The following AKAP7 variants were observed in gnomAD, a reference collection of about 807,000 sequenced individuals.
The protein encoded by AKAP7 is A-kinase anchoring protein 7.
Under a neutral mutation model 39.5 loss-of-function variants are expected in AKAP7, and 39 were observed. The ratio of observed to expected loss-of-function variants is 0.99; its 90% CI spans 0.76 to 1.29. The LOEUF (loss-of-function observed/expected upper bound fraction) is 1.29, where lower values mean the gene tolerates loss of function less well. Among genes scored for constraint, AKAP7 ranks in the 50% most tolerant of loss-of-function variants. AKAP7 has a pLI of 0.00. For missense variants in AKAP7, 414 were observed against 407.7 expected (o/e 1.02, Z -0.13); for synonymous variants, 140 against 139.1 (o/e 1.01, Z -0.05).
At chr6:131,206,715 C>T (rs751264334) in intron 6 of AKAP7, among the ~76,000 whole-genome samples, 2 of 152,158 alleles carry the variant, frequency 1.3e-5, no homozygotes, top group Non-Finnish European at 2.9e-5. Context: ...TTTCTTCACT[C>T]ACTACCATTA....
chr6:131,256,946 C>CT lies in AKAP7; in HGVS notation c.851-24584_851-24583insT, dbSNP rs1294618016. ...AAAGATAAGCAGTGATGATGACAGC[C>CT]CAACTCAAAAGAGTTTCAAAATTCT... is the stretch of plus-strand genomic sequence containing the variant. On this transcript the variant is annotated intron_variant, in intron 7 of 7. Transcript: ENST00000431975. 0.014 allele frequency among the ~76,000 whole-genome samples: 2,177 copies of CT among 152,010 alleles called. 145 individuals carry two copies. In the East Asian group the frequency reaches 0.18, roughly 12 times the overall value.
chr6:131,275,084 T>TTTACATAC (rs1232549450), intron 7 of AKAP7, among the ~76,000 whole-genome samples: 1 of 152,234 alleles, frequency 6.6e-6, no homozygotes, highest in Non-Finnish European at 1.5e-5. Flanking sequence ...CTTATTCATT[T>TTTACATAC]TTACATACTT....
At chr6:131,243,471 C>T (rs1320341223) in intron 7 of AKAP7, among the ~76,000 whole-genome samples, 2 of 152,126 alleles carry the variant, frequency 1.3e-5, no homozygotes, top group African/African-American at 4.8e-5. Flanking sequence ...TTGAGACCTG[C>T]CAAGAGCAGC....
At chr6:131,221,802 C>T (rs1809720521) in intron 7 of AKAP7, among the ~76,000 whole-genome samples, 1 of 152,022 alleles carries the variant, frequency 6.6e-6, no homozygotes, top group Non-Finnish European at 1.5e-5. Context: ...TTAACTACTG[C>T]TCAGAAAAAA....
rs1157844657 is a variant in AKAP7, at chr6:131,281,568, G to A, written c.889G>A (p.Val297Ile). The change falls in exon 8 of 8, where the codon GTA (valine) becomes ATA (isoleucine). Residue 297 changes from valine to isoleucine, a missense_variant. Val to Ile is a conservative substitution (Grantham distance 29). Coordinates refer to ENST00000431975, the MANE Select transcript of AKAP7 (RefSeq NM_016377.4). The surrounding 1 kb of genome is among the most constrained non-coding windows in gnomAD (Gnocchi z 4.0). ...NGGEPDDAEL[V>I]RLSKRLVENA... ...AGGGGAGCCCGATGACGCTGAACTA[G>A]TAAGGCTCAGTAAGAGGCTGGTGGA... is the stretch of plus-strand genomic sequence containing the variant. 6.2e-7 allele frequency: 1 copy of A among 1,613,102 alleles called. No individual in the cohort carries two copies. Among genetic ancestry groups the A allele is most frequent in the African/African-American group, 1.3e-5 (1 of 75,020 alleles).
intron 1 of AKAP7, among the ~76,000 whole-genome samples, chr6:131,139,045 A>C (rs546235323): frequency 6.6e-6 from 1 of 152,234 alleles, no homozygotes; most frequent in Non-Finnish European, 1.5e-5. Context: ...AAATGCTTTA[A>C]GAGTTGGTTA....
At chr6:131,271,714 G>A (rs1028322382) in intron 7 of AKAP7, among the ~76,000 whole-genome samples, 12 of 152,062 alleles carry the variant, frequency 7.9e-5, no homozygotes, top group African/African-American at 2.9e-4. Flanking sequence ...AATTACAAAT[G>A]GGAAAAGTAC....
At chr6:131,131,335 C>A (rs1478331510), upstream of AKAP7, among the ~76,000 whole-genome samples, 2 of 152,136 alleles carry the variant, frequency 1.3e-5, no homozygotes, top group African/African-American at 2.4e-5. Context: ...AACACCTTTG[C>A]ATGCAGGAGC....
intron 1 of AKAP7, among the ~76,000 whole-genome samples, chr6:131,144,416 A>T (rs887261556): frequency 6.6e-6 from 1 of 152,220 alleles, no homozygotes; most frequent in Non-Finnish European, 1.5e-5. Context: ...GGACTTCTTA[A>T]ACATCTTGAG....
At chr6:131,195,842 GCTT>G (rs1585062460) in intron 5 of AKAP7, among the ~76,000 whole-genome samples, 1 of 152,132 alleles carries the variant, frequency 6.6e-6, no homozygotes, top group East Asian at 1.9e-4. Context: ...TATGTTATTT[GCTT>G]CTTTTTACTT....
intron 7 of AKAP7, among the ~76,000 whole-genome samples, chr6:131,244,430 C>T (rs2128314980): frequency 6.6e-6 from 1 of 152,324 alleles, no homozygotes; most frequent in South Asian, 2.1e-4. Flanking sequence ...GCAGGGTATG[C>T]TGTAAATGTG....
chr6:131,180,359 C>A (rs1206535433), intron 5 of AKAP7, among the ~76,000 whole-genome samples: 1 of 152,158 alleles, frequency 6.6e-6, no homozygotes, highest in Non-Finnish European at 1.5e-5. Context: ...TTATTACCTC[C>A]TTTCCCCCAA....
chr6:131,255,613 C>T (rs1318690036), intron 7 of AKAP7, among the ~76,000 whole-genome samples: 1 of 152,168 alleles, frequency 6.6e-6, no homozygotes, highest in Non-Finnish European at 1.5e-5. Context: ...GCTTGGCATG[C>T]AGTTCTTACT....
chr6:131,253,691 T>C (rs1812628602), intron 7 of AKAP7, among the ~76,000 whole-genome samples: 1 of 143,144 alleles, frequency 7.0e-6, no homozygotes, highest in South Asian at 2.2e-4. Flanking sequence ...TATTTATTTA[T>C]TTATAAGCTC....
chr6:131,136,803 A>G, intron 1 of AKAP7: 1 of 948,834 alleles, frequency 1.1e-6, no homozygotes, highest in Non-Finnish European at 1.3e-6. Flanking sequence ...AGGTCAAGTA[A>G]CTTGTTGATT....
At chr6:131,266,708 G>T (rs736657) in intron 7 of AKAP7, among the ~76,000 whole-genome samples, 65,825 of 149,788 alleles carry the variant, frequency 0.44, 14,736 homozygotes, top group Admixed American at 0.51. Flanking sequence ...TGTTGTTGTT[G>T]TTTTTTAACG....
intron 2 of AKAP7, among the ~76,000 whole-genome samples, chr6:131,149,736 G>T (rs1406973340): frequency 2.0e-5 from 3 of 152,184 alleles, no homozygotes; most frequent in African/African-American, 7.2e-5. Flanking sequence ...CCAGCTTAGT[G>T]CCTGGTTGAC....
rs1815230908 is a variant in AKAP7 at position 131,281,916 on chromosome 6, G to A, written c.*190G>A. The A allele has an allele frequency of 8.0e-7, 1 of 1,246,558 alleles. No individual in the cohort carries two copies. Among genetic ancestry groups the A allele is most frequent in the Admixed American group, 4.1e-5 (1 of 24,638 alleles). The allele number at this position is 1,246,558 out of a possible 1,614,324, so 77.2% of individuals were successfully genotyped here. A position where few individuals can be genotyped will look rare whatever the true frequency, so the allele number is the denominator to read the frequency against. On this transcript the variant is annotated 3_prime_UTR_variant, in exon 8 of 8. Transcript: ENST00000431975. This position sits in a 1 kb window ranked among gnomAD's most constrained non-coding sequence, Gnocchi z 4.0. ...CAACAGAAGAAAAATGGAGTGCTGG[G>A]ACTGGCAGAGGAAATTAATTGATGA... is the stretch of plus-strand genomic sequence containing the variant.
At chr6:131,207,491 AT>A (rs531582478) in intron 6 of AKAP7, among the ~76,000 whole-genome samples, 1,721 of 78,780 alleles carry the variant, frequency 0.022, 39 homozygotes, top group Non-Finnish European at 0.033. Flanking sequence ...GCTAATTAAA[AT>A]TTTTTTTTTT....
Sources: allele counts gnomAD v4.1 joint callset (sites outside exome capture counted in the v4.1 genomes callset), GRCh38; gene constraint gnomAD v4.1.1; non-coding constraint Gnocchi (gnomAD v3.1); transcripts MANE v1.5; gene names NCBI Gene and HGNC (gene_info 2026-07-23, HGNC 2026-07-21).